Variants in GALNT17 observed in about 807,000 individuals in gnomAD.
GALNT17 encodes the protein UDP-GalNAc:polypeptide N-acetylgalactosaminyltransferase-like 3.
In GALNT17, 29 loss-of-function variants were observed where a neutral mutation model predicts 63.7. The observed-to-expected ratio is 0.46, with a 90% CI of 0.34 to 0.62. The LOEUF is 0.62. GALNT17 is among the 20% of genes least tolerant of loss of function. GALNT17 has a pLI of 0.01. For missense variants in GALNT17, 603 were observed against 799.6 expected, an observed-to-expected ratio of 0.75 and a Z score of 2.97; for synonymous variants, 305 against 318.3, an observed-to-expected ratio of 0.96 and a Z score of 0.45.
intron 1 of GALNT17, among the ~76,000 whole-genome samples, chr7:71,256,504 G>A (rs1790292233): frequency 6.6e-6 from 1 of 152,170 alleles, no homozygotes; most frequent in Non-Finnish European, 1.5e-5. Context: ...CTGGGAGGTG[G>A]AGGTTGCAGG....
At chr7:71,689,855 C>A (rs903757837) in intron 9 of GALNT17, among the ~76,000 whole-genome samples, 1 of 152,064 alleles carries the variant, frequency 6.6e-6, no homozygotes, top group African/African-American at 2.4e-5. Flanking sequence ...CTGTGAGAGG[C>A]GAATGCAGCT....
intron 2 of GALNT17, among the ~76,000 whole-genome samples, chr7:71,366,798 G>A (rs755940890): frequency 6.6e-6 from 1 of 152,124 alleles, no homozygotes; most frequent in Non-Finnish European, 1.5e-5. Flanking sequence ...TACATGAGTG[G>A]CCTTCCTCAC....
chr7:71,165,461 C>CA (rs1196618798), intron 1 of GALNT17, among the ~76,000 whole-genome samples: 1 of 116,360 alleles, frequency 8.6e-6, no homozygotes, highest in Admixed American at 9.2e-5. Flanking sequence ...CACATGGCGA[C>CA]AGACAAGAGA....
intron 4 of GALNT17, among the ~76,000 whole-genome samples, chr7:71,419,887 G>A (rs73363749): frequency 6.6e-5 from 10 of 152,260 alleles, no homozygotes; most frequent in South Asian, 6.2e-4. Context: ...ATGGCCCAGG[G>A]TATATTTTAT....
chr7:71,366,448 G>A (rs1387366364), intron 2 of GALNT17, among the ~76,000 whole-genome samples: 1 of 152,150 alleles, frequency 6.6e-6, no homozygotes, highest in African/African-American at 2.4e-5. Flanking sequence ...AGGCATGGTG[G>A]CGGGCGCCTG....
chr7:71,684,008 C>CAAAAAAA (rs5741642), intron 9 of GALNT17, among the ~76,000 whole-genome samples: 1 of 121,442 alleles, frequency 8.2e-6, no homozygotes, highest in African/African-American at 3.1e-5. Context: ...CACTCTGTCT[C>CAAAAAAA]AAAAAAAAAA....
At chr7:71,627,042 C>T (rs1333492050) in intron 6 of GALNT17, among the ~76,000 whole-genome samples, 1 of 152,174 alleles carries the variant, frequency 6.6e-6, no homozygotes. Flanking sequence ...ACCTCAGGCT[C>T]AGTTTTTCCC....
chr7:71,640,912 A>G (rs1257158689), intron 6 of GALNT17, among the ~76,000 whole-genome samples: 1 of 152,130 alleles, frequency 6.6e-6, no homozygotes, highest in East Asian at 1.9e-4. Context: ...CCAGATGCCA[A>G]AAGTGTCTGC....
chr7:71,173,687 C>T (rs1032695256), intron 1 of GALNT17, among the ~76,000 whole-genome samples: 6 of 151,754 alleles, frequency 4.0e-5, no homozygotes, highest in Admixed American at 1.3e-4. Flanking sequence ...GCAGGAGGAT[C>T]GCTTGAACCT....
chr7:71,530,612 C>T (rs532963792), intron 5 of GALNT17, among the ~76,000 whole-genome samples: 26 of 151,966 alleles, frequency 1.7e-4, no homozygotes, highest in Admixed American at 7.2e-4. Flanking sequence ...CTCGCTCTGT[C>T]GCCCAGGCTG....
chr7:71,702,689 G>T (rs1032566898), intron 9 of GALNT17, among the ~76,000 whole-genome samples: 2 of 152,166 alleles, frequency 1.3e-5, no homozygotes, highest in East Asian at 3.9e-4. Flanking sequence ...CAAGGAGGGG[G>T]AACTGGGGAA....
At chr7:71,315,216 A>G (rs1371316365) in intron 1 of GALNT17, among the ~76,000 whole-genome samples, 2 of 152,136 alleles carry the variant, frequency 1.3e-5, no homozygotes, top group Non-Finnish European at 2.9e-5. Flanking sequence ...CTTTCTTTTT[A>G]TAGTCAAATC....
intron 2 of GALNT17, among the ~76,000 whole-genome samples, chr7:71,366,048 G>A (rs989442269): frequency 5.3e-5 from 8 of 152,054 alleles, no homozygotes; most frequent in Admixed American, 2.0e-4. Flanking sequence ...TAGATCCCTC[G>A]TATGCTCAGT....
In GALNT17 at chr7:71,356,358, CTGT is replaced by C. The variant is rs768964493; in HGVS notation, c.422+20626_422+20628del. On this transcript the variant is annotated intron_variant, in intron 2 of 10. Transcript: ENST00000333538. ...AAGTACGGTGCCTTTGTCTGTGTTG[CTGT>C]CAAGGAATACCTGAGGTTGGATAAT... Among the ~76,000 whole-genome samples the C allele has an allele frequency of 2.0e-3, 297 of 152,304 alleles. 1 individual carries two copies. The highest frequency in any genetic ancestry group is 3.5e-3 in the Non-Finnish European group (241 of 68,030).
chr7:71,678,535 C>T (rs1275852686), intron 9 of GALNT17, among the ~76,000 whole-genome samples: 1 of 151,930 alleles, frequency 6.6e-6, no homozygotes, highest in Non-Finnish European at 1.5e-5. Flanking sequence ...CGGTGGCTCA[C>T]GCCTGTAATC....
intron 4 of GALNT17, among the ~76,000 whole-genome samples, chr7:71,418,678 G>A (rs552551889): frequency 6.6e-6 from 1 of 152,220 alleles, no homozygotes; most frequent in Non-Finnish European, 1.5e-5. Context: ...GGGGGAAGGA[G>A]TGTGCTTCTC....
At chr7:71,226,218 A>G (rs934562342) in intron 1 of GALNT17, among the ~76,000 whole-genome samples, 1 of 152,222 alleles carries the variant, frequency 6.6e-6, no homozygotes, top group African/African-American at 2.4e-5. Flanking sequence ...TGAAGTGAGT[A>G]GGGCGCTTCT....
chr7:71,246,596 C>T (rs976881653), intron 1 of GALNT17, among the ~76,000 whole-genome samples: 41 of 151,602 alleles, frequency 2.7e-4, no homozygotes, highest in African/African-American at 4.4e-4. Flanking sequence ...TTTGGGAGGC[C>T]GAGGAGGGCG....
chr7:71,318,631 T>C (rs1161642805), intron 1 of GALNT17, among the ~76,000 whole-genome samples: 2 of 152,014 alleles, frequency 1.3e-5, no homozygotes, highest in Non-Finnish European at 2.9e-5. Flanking sequence ...GGTTTCACCA[T>C]GTTGGCCAGG....
Sources: gnomAD v4.1 joint callset for allele counts (sites outside exome capture counted in the v4.1 genomes callset) on GRCh38, gnomAD v4.1.1 for gene constraint, MANE v1.5 for transcripts, NCBI Gene and HGNC (gene_info 2026-07-23, HGNC 2026-07-21) for gene names.